HHAT: variants seen among roughly 807,000 people sequenced by gnomAD.
HHAT encodes hedgehog acyltransferase, also known as protein-cysteine N-palmitoyltransferase HHAT.
Under a neutral mutation model 70.8 loss-of-function variants are expected in HHAT, and 47 were observed. The observed-to-expected ratio is 0.66, with a 90% CI of 0.53 to 0.85. The LOEUF (loss-of-function observed/expected upper bound fraction) is 0.85, where lower values mean the gene tolerates loss of function less well. HHAT is among the 40% of genes least tolerant of loss of function. The probability of loss-of-function intolerance (pLI) is 0.00; values close to 1 mark genes in which losing one functional copy is unlikely to be tolerated. For synonymous variants in HHAT, 228 were observed against 247.6 expected, an observed-to-expected ratio of 0.92 and a Z score of 0.74; for missense variants, 609 against 604.8, an observed-to-expected ratio of 1.01 and a Z score of -0.07.
chr1:210,428,286 C>CTATATA (rs66516721), intron 7 of HHAT, among the ~76,000 whole-genome samples: 7 of 101,526 alleles, frequency 6.9e-5, no homozygotes, highest in Admixed American at 9.4e-5. Context: ...TGAGCTTATA[C>CTATATA]TATATATATA....
At chr1:210,578,950 A>G (rs891955188) in intron 9 of HHAT, among the ~76,000 whole-genome samples, 4 of 152,246 alleles carry the variant, frequency 2.6e-5, no homozygotes, top group Non-Finnish European at 4.4e-5. Context: ...AATGTGGTAC[A>G]TATCCACCAT....
intron 8 of HHAT, among the ~76,000 whole-genome samples, chr1:210,473,201 C>CCTG (rs2094237952): frequency 6.6e-6 from 1 of 152,248 alleles, no homozygotes; most frequent in East Asian, 1.9e-4. Context: ...TCTTTCAGGG[C>CCTG]CTGCTATCTG....
At chr1:210,432,727 C>T (rs1288714575) in intron 7 of HHAT, among the ~76,000 whole-genome samples, 1 of 151,832 alleles carries the variant, frequency 6.6e-6, no homozygotes, top group Non-Finnish European at 1.5e-5. Flanking sequence ...TCCGTCTCTC[C>T]AGGCTGCCAT....
At chr1:210,600,015 C>G (rs1426038669) in intron 10 of HHAT, among the ~76,000 whole-genome samples, 1 of 152,162 alleles carries the variant, frequency 6.6e-6, no homozygotes, top group Non-Finnish European at 1.5e-5. Flanking sequence ...CTTTCCTTCC[C>G]CTCCACCCCT....
intron 11 of HHAT, among the ~76,000 whole-genome samples, chr1:210,624,722 C>T (rs1019121436): frequency 6.6e-6 from 1 of 152,190 alleles, no homozygotes; most frequent in Admixed American, 6.5e-5. Flanking sequence ...CACCATTTCC[C>T]TTGGGCTGGG....
chr1:210,430,610 T>G (rs967258526), intron 7 of HHAT, among the ~76,000 whole-genome samples: 1 of 151,958 alleles, frequency 6.6e-6, no homozygotes, highest in African/African-American at 2.4e-5. Flanking sequence ...ATGAGTAGTT[T>G]CAAAATTATA....
intron 4 of HHAT, 49 bp from the exon 5 acceptor site, chr1:210,400,419 C>T (rs374980076): frequency 7.3e-6 from 11 of 1,511,350 alleles, no homozygotes; most frequent in African/African-American, 4.2e-5. Flanking sequence ...ATTTTCCTCC[C>T]TCCCCTCTTC....
At chr1:210,569,685 C>A (rs566036145) in intron 9 of HHAT, among the ~76,000 whole-genome samples, 5 of 152,138 alleles carry the variant, frequency 3.3e-5, no homozygotes, top group Non-Finnish European at 5.9e-5. Context: ...AAATTCAAAC[C>A]ATCTCCTGCT....
chr1:210,502,887 T>A (rs879566810), intron 8 of HHAT, among the ~76,000 whole-genome samples: 7 of 152,178 alleles, frequency 4.6e-5, no homozygotes, highest in Admixed American at 4.6e-4. Flanking sequence ...AGCCTCAATT[T>A]TTTTTTTCTT....
In HHAT at chr1:210,446,621, C is replaced by T. The variant is rs536507663; in HGVS notation, c.857-17884C>T. On this transcript the variant is annotated intron_variant, in intron 7 of 11. Coordinates refer to ENST00000261458, the MANE Select transcript of HHAT (RefSeq NM_018194.6). ...CCACCCTTGCCCCGGCCTCTGTGCT[C>T]CTGCACTGTGGGCTTCCTGCTCATC... Among the ~76,000 whole-genome samples, 321 of 152,310 alleles carry T rather than the reference C, an allele frequency of 2.1e-3. 4 individuals are homozygous for T. Among genetic ancestry groups the T allele is most frequent in the African/African-American group, 6.9e-3 (287 of 41,578 alleles).
intron 11 of HHAT, among the ~76,000 whole-genome samples, chr1:210,636,133 T>A (rs565370946): frequency 6.6e-6 from 1 of 152,358 alleles, no homozygotes; most frequent in South Asian, 2.1e-4. Context: ...CCTTGGATAC[T>A]TGGTTATCTT....
intron 9 of HHAT, among the ~76,000 whole-genome samples, chr1:210,584,570 A>G (rs1009239296): frequency 1.3e-5 from 2 of 152,112 alleles, no homozygotes; most frequent in African/African-American, 2.4e-5. Context: ...AACACCGGAT[A>G]AGACTACTGT....
At chr1:210,345,933 G>T (rs1250818455) in intron 1 of HHAT, among the ~76,000 whole-genome samples, 1 of 151,458 alleles carries the variant, frequency 6.6e-6, no homozygotes, top group Non-Finnish European at 1.5e-5. Context: ...GCATTGTGGT[G>T]CATGCCTGTA....
chr1:210,361,412 A>C (rs972824486), intron 2 of HHAT, among the ~76,000 whole-genome samples: 43 of 152,164 alleles, frequency 2.8e-4, no homozygotes, highest in African/African-American at 9.7e-4. Context: ...TCCATGGCAC[A>C]CCCAGATCAC....
intron 11 of HHAT, among the ~76,000 whole-genome samples, chr1:210,633,979 A>T (rs1043598842): frequency 4.0e-5 from 6 of 151,738 alleles, no homozygotes; most frequent in Non-Finnish European, 7.4e-5. Flanking sequence ...CTCAGGACTT[A>T]AAAAAAAATA....
rs572034781 is a variant in HHAT, at chr1:210,499,721, C to A, written c.1008-13432C>A. On this transcript the variant is annotated intron_variant, in intron 8 of 11. Transcript: ENST00000261458. ...CTCAGCCACTTAAGTGAAAGAGATG[C>A]CCAAGGAGACACTTAGACATTTTGC... 2.6e-5 allele frequency among the ~76,000 whole-genome samples: 4 copies of A among 152,092 alleles called. No individual in the cohort carries two copies. The South Asian group carries it at 6.2e-4, about 24-fold the overall frequency.
intron 9 of HHAT, among the ~76,000 whole-genome samples, chr1:210,514,148 A>G (rs1195851402): frequency 1.3e-5 from 2 of 152,186 alleles, no homozygotes; most frequent in Non-Finnish European, 2.9e-5. Flanking sequence ...CAAAAACCAC[A>G]TTTCCTCCAC....
chr1:210,355,045 A>G (rs1411407613), intron 2 of HHAT, among the ~76,000 whole-genome samples: 1 of 152,176 alleles, frequency 6.6e-6, no homozygotes, highest in Non-Finnish European at 1.5e-5. Context: ...AGATTCTGCT[A>G]AAACTTAAGA....
At chr1:210,666,470 A>G (rs1678916616) in intron 11 of HHAT, among the ~76,000 whole-genome samples, 1 of 152,142 alleles carries the variant, frequency 6.6e-6, no homozygotes, top group Non-Finnish European at 1.5e-5. Flanking sequence ...AAGGTCCATC[A>G]TTATTTTATT....
Sources: gnomAD v4.1 joint callset for allele counts (sites outside exome capture counted in the v4.1 genomes callset) on GRCh38, gnomAD v4.1.1 for gene constraint, MANE v1.5 for transcripts, NCBI Gene and HGNC (gene_info 2026-07-23, HGNC 2026-07-21) for gene names.